WNT3: variants seen among roughly 807,000 people sequenced by gnomAD.
WNT3 encodes Wnt family member 3.
WNT3 carries 7 observed loss-of-function variants against 34.2 expected under a neutral mutation model. The ratio of observed to expected loss-of-function variants is 0.20; its 90% CI spans 0.12 to 0.38. The LOEUF (loss-of-function observed/expected upper bound fraction) is 0.38, where lower values mean the gene tolerates loss of function less well. Ranked by LOEUF, WNT3 falls within the 10% of genes least tolerant of loss-of-function variation. WNT3 has a pLI of 1.00. For missense variants in WNT3, 267 were observed against 499.8 expected, an observed-to-expected ratio of 0.53 and a Z score of 4.44; for synonymous variants, 212 against 211.5, an observed-to-expected ratio of 1.00 and a Z score of -0.02.
Position 46,768,728 on chromosome 17 carries a change from G to T in WNT3, c.660C>A (p.Cys220Ter). ...CACGGAAGTCAGGCTGCGCCCACCA[G>T]CAGGTCTTCACCTCACAGCTGCCCG... ...GLSGSCEVKTCWWAQPDFRAI... is the reference protein window; with the variant it reads ...GLSGSCEVKT Residue 220 changes from cysteine to a stop codon, truncating the protein, a stop_gained, in exon 4 of 5, where the codon TGC (cysteine) becomes TGA (stop). Coordinates refer to ENST00000225512, the MANE Select transcript of WNT3 (RefSeq NM_030753.5). LOFTEE classifies it high-confidence loss of function. The surrounding 1 kb of genome is among the most constrained non-coding windows in gnomAD (Gnocchi z 5.0). 6.2e-7 allele frequency: 1 copy of T among 1,614,174 alleles called. No homozygotes were observed. Among genetic ancestry groups the T allele is most frequent in the Non-Finnish European group, 8.5e-7 (1 of 1,180,042 alleles).
At chr17:46,785,871 G>A (rs995238772) in intron 1 of WNT3, among the ~76,000 whole-genome samples, 12 of 152,184 alleles carry the variant, frequency 7.9e-5, no homozygotes, top group African/African-American at 2.9e-4. Flanking sequence ...TGTGGAGGGC[G>A]GGGCAGTGCC....
At chr17:46,793,731 A>G (rs1461798648) in intron 1 of WNT3, among the ~76,000 whole-genome samples, 1 of 152,208 alleles carries the variant, frequency 6.6e-6, no homozygotes, top group Non-Finnish European at 1.5e-5. Flanking sequence ...AGGCCAGGGT[A>G]GATGACACAC....
chr17:46,796,412 CT>C (rs759455953), intron 1 of WNT3, among the ~76,000 whole-genome samples: 43 of 152,196 alleles, frequency 2.8e-4, no homozygotes, highest in Non-Finnish European at 5.3e-4. Context: ...ATCATCACCC[CT>C]ATCTCAGTGG....
chr17:46,815,004 C>G (rs1462613413), intron 1 of WNT3, among the ~76,000 whole-genome samples: 1 of 152,154 alleles, frequency 6.6e-6, no homozygotes, highest in Non-Finnish European at 1.5e-5. Context: ...CTGGGGACTC[C>G]TGGGTGAAGT....
intron 1 of WNT3, among the ~76,000 whole-genome samples, chr17:46,783,092 CG>C (rs1453271328): frequency 1.3e-5 from 2 of 152,140 alleles, no homozygotes; most frequent in East Asian, 3.9e-4. Context: ...ATTCTCTCAA[CG>C]GGGCCCTCTG....
intron 1 of WNT3, among the ~76,000 whole-genome samples, chr17:46,789,669 G>T (rs1426722575): frequency 6.6e-6 from 1 of 152,230 alleles, no homozygotes; most frequent in African/African-American, 2.4e-5. Context: ...TCAGAGCAGG[G>T]TTTGAACCCA....
intron 1 of WNT3, among the ~76,000 whole-genome samples, chr17:46,800,630 A>T (rs1363700692): frequency 6.6e-6 from 1 of 152,234 alleles, no homozygotes; most frequent in Non-Finnish European, 1.5e-5. Flanking sequence ...AGGCAATGAG[A>T]ATCCAGCTGG....
chr17:46,810,439 C>G (rs1184005164), intron 1 of WNT3, among the ~76,000 whole-genome samples: 1 of 152,178 alleles, frequency 6.6e-6, no homozygotes, highest in African/African-American at 2.4e-5. Context: ...TGGAGAGCCC[C>G]TGGCAGAGGG....
chr17:46,800,671 G>A (rs1349970300), intron 1 of WNT3, among the ~76,000 whole-genome samples: 1 of 152,238 alleles, frequency 6.6e-6, no homozygotes, highest in Admixed American at 6.5e-5. Context: ...GGACCAGCAG[G>A]TGACTCTCAA....
chr17:46,790,898 G>A (rs2083976766), intron 1 of WNT3, among the ~76,000 whole-genome samples: 1 of 152,212 alleles, frequency 6.6e-6, no homozygotes. Context: ...TAAAAGATGT[G>A]TTTCAAAAGA....
chr17:46,789,963 C>T (rs1038443362), intron 1 of WNT3, among the ~76,000 whole-genome samples: 27 of 152,300 alleles, frequency 1.8e-4, no homozygotes, highest in South Asian at 2.1e-4. Context: ...CATCCCCCCA[C>T]GGCGCTGAGG....
intron 4 of WNT3, among the ~76,000 whole-genome samples, chr17:46,766,980 G>C (rs2059319227): frequency 6.6e-6 from 1 of 152,160 alleles, no homozygotes; most frequent in South Asian, 2.1e-4. Flanking sequence ...TTTCTTGCTT[G>C]GGTCACACGG....
chr17:46,790,109 G>A (rs1368840333), intron 1 of WNT3, among the ~76,000 whole-genome samples: 2 of 152,150 alleles, frequency 1.3e-5, no homozygotes, highest in Non-Finnish European at 2.9e-5. Flanking sequence ...GCAGTCCAGA[G>A]CGAGCCTCAA....
chr17:46,765,633 G>A (rs1431485968), intron 4 of WNT3, among the ~76,000 whole-genome samples: 2 of 152,244 alleles, frequency 1.3e-5, no homozygotes, highest in Non-Finnish European at 2.9e-5. Context: ...AGTGCATCCC[G>A]CAGGCTCCCG....
intron 2 of WNT3, among the ~76,000 whole-genome samples, chr17:46,770,686 C>A (rs1328495036): frequency 6.6e-6 from 1 of 152,192 alleles, no homozygotes; most frequent in African/African-American, 2.4e-5. Flanking sequence ...CCTGCCCTCA[C>A]GCCCAGGCAC....
At chr17:46,776,673 G>A (rs1333051958) in intron 1 of WNT3, among the ~76,000 whole-genome samples, 1 of 152,068 alleles carries the variant, frequency 6.6e-6, no homozygotes, top group East Asian at 1.9e-4. Context: ...ATCACTGGAG[G>A]GGAAACTGAG....
chr17:46,804,528 GA>G (rs2084167988), intron 1 of WNT3, among the ~76,000 whole-genome samples: 1 of 152,230 alleles, frequency 6.6e-6, no homozygotes, highest in Non-Finnish European at 1.5e-5. Flanking sequence ...TCAGAGAGCT[GA>G]TGGCAGGCCC....
intron 2 of WNT3, among the ~76,000 whole-genome samples, chr17:46,770,608 C>T (rs1411250120): frequency 6.6e-6 from 1 of 152,178 alleles, no homozygotes; most frequent in African/African-American, 2.4e-5. Flanking sequence ...GACACGGCTT[C>T]CCTCCGCTCC....
intron 4 of WNT3, among the ~76,000 whole-genome samples, chr17:46,766,301 G>A (rs199527): frequency 0.63 from 94,887 of 151,794 alleles, 32,230 homozygotes; most frequent in South Asian, 0.82. Flanking sequence ...CCAGCTACTC[G>A]GGAGGCTGAG....
Sources: allele counts gnomAD v4.1 joint callset (sites outside exome capture counted in the v4.1 genomes callset), GRCh38; gene constraint gnomAD v4.1.1; non-coding constraint Gnocchi (gnomAD v3.1); transcripts MANE v1.5; gene names NCBI Gene and HGNC (gene_info 2026-07-23, HGNC 2026-07-21).